RGL2: variants seen among roughly 807,000 people sequenced by gnomAD.
RGL2 encodes the protein ral guanine nucleotide dissociation stimulator like 2.
In RGL2, 40 loss-of-function variants were observed where a neutral mutation model predicts 84.6. The ratio of observed to expected loss-of-function variants is 0.47; its 90% CI spans 0.37 to 0.62. RGL2 has a LOEUF of 0.62. Ranked by LOEUF, RGL2 falls within the 20% of genes least tolerant of loss-of-function variation. The probability of loss-of-function intolerance (pLI) is 0.00; values close to 1 mark genes in which losing one functional copy is unlikely to be tolerated. For synonymous variants in RGL2, 369 were observed against 417.3 expected (o/e 0.88, Z 1.41); for missense variants, 865 against 1,019.7 (o/e 0.85, Z 2.07).
chr6:33,294,485 A>T lies in RGL2; in HGVS notation c.1353+203T>A, dbSNP rs1037707037. Among the ~76,000 whole-genome samples, 1 of 152,160 alleles carries T rather than the reference A, an allele frequency of 6.6e-6. No individual in the cohort carries two copies. The highest frequency in any genetic ancestry group is 2.4e-5 in the African/African-American group (1 of 41,432). On this transcript the variant is annotated intron_variant, in intron 11 of 17. Coordinates refer to ENST00000497454, the MANE Select transcript of RGL2 (RefSeq NM_004761.5). The surrounding 1 kb of genome is among the most constrained non-coding windows in gnomAD (Gnocchi z 5.0). ...CACTTGACAAATACAAATTCATTTA[A>T]CCCTTATAACAGATCAATGTAGATG...
chr6:33,293,273 A>G lies in RGL2; in HGVS notation c.1750T>C (p.Ser584Pro). The G allele has an allele frequency of 5.2e-6, 8 of 1,545,444 alleles. No homozygotes were observed. In the South Asian group the frequency reaches 1.0e-4, roughly 20 times the overall value. Reference sequence around the variant, plus strand: ...AGGGATGGACTGCTTTCCAAGGCAGAGTCTAGTGACGAGACAGATGGCCAC... The same window carrying G: ...AGGGATGGACTGCTTTCCAAGGCAGGGTCTAGTGACGAGACAGATGGCCAC... ...MKWPSVSSLD[S>P]ALESSPSLHS... is the part of the protein sequence containing the mutation. Residue 584 changes from serine (S) to proline (P), a missense_variant, in exon 16 of 18, where the codon TCT (serine) becomes CCT (proline). Ser to Pro is a moderately conservative substitution (Grantham distance 74). Transcript: ENST00000497454. This position sits in a 1 kb window ranked among gnomAD's most constrained non-coding sequence, Gnocchi z 7.0.
rs182884865 is a variant in RGL2 at position 33,293,075 on chromosome 6, G to A, written c.1948C>T (p.Arg650Cys). 3.3e-5 allele frequency: 54 copies of A among 1,614,028 alleles called. No homozygotes were observed. In the East Asian group the frequency reaches 6.9e-4, roughly 21 times the overall value. The change falls in exon 16 of 18, where the codon CGT becomes TGT. Residue 650 changes from arginine to cysteine, a missense_variant. Physicochemically the swap from Arg to Cys is radical, Grantham distance 180. This residue lies in a region of RGL2 where 302 missense variants were observed against 327.9 expected (regional missense o/e 0.92). Coordinates refer to ENST00000497454, the MANE Select transcript of RGL2 (RefSeq NM_004761.5). This position sits in a 1 kb window ranked among gnomAD's most constrained non-coding sequence, Gnocchi z 7.0. ...EGSGPGASDC[R>C]IIRVQMELGE... ...AACTCCATCTGGACTCGGATGATACGGCAATCAGAGGCCCCTGGCCCAGAT... is the reference window on the plus strand; with the variant it reads ...AACTCCATCTGGACTCGGATGATACAGCAATCAGAGGCCCCTGGCCCAGAT...
Position 33,293,806 on chromosome 6 carries a change from T to C in RGL2, c.1497A>G (p.Thr499=). The change falls in exon 13 of 18, where the codon ACA becomes ACG. Residue 499 remains threonine (T), a synonymous_variant. Coordinates refer to ENST00000497454, the MANE Select transcript of RGL2 (RefSeq NM_004761.5). This position sits in a 1 kb window ranked among gnomAD's most constrained non-coding sequence, Gnocchi z 7.0. ...CACCCGCCAGTCACCTCTGAGCCTC[T>C]GTCAGTGGCCGGAGCCCCTGTAGCC... The part of the protein sequence containing the change: ...QRWLQGLRPL[T]EAQSHRVSCE... 2 of 1,614,152 alleles carry C rather than the reference T, an allele frequency of 1.2e-6. No homozygotes were observed. The highest frequency in any genetic ancestry group is 8.5e-7 in the Non-Finnish European group (1 of 1,180,016).
chr6:33,292,277 G>A lies in RGL2; in HGVS notation c.2159C>T (p.Ala720Val). 6.2e-7 allele frequency: 1 copy of A among 1,614,210 alleles called. No homozygotes were observed. The highest frequency in any genetic ancestry group is 1.3e-5 in the African/African-American group (1 of 75,044). ...GAAATCGTGTGAAGCTCCATCCATG[G>A]CGTAGAATACATTAGCCGAGGCTGG... is the stretch of plus-strand genomic sequence containing the variant. ...TIPASANVFYAMDGASHDFLL... is the reference protein window; with the variant it reads ...TIPASANVFYVMDGASHDFLL... The change falls in exon 18 of 18, where the codon GCC becomes GTC. Residue 720 changes from alanine to valine, a missense_variant. Transcript: ENST00000497454.
chr6:33,296,907 CTA>C lies in RGL2; in HGVS notation c.240+123_240+124del, dbSNP rs1562667742. The C allele has an allele frequency of 2.0e-6, 3 of 1,486,288 alleles. No homozygotes were observed. The African/African-American group carries it at 4.2e-5, about 21-fold the overall frequency. 92.1% of individuals were successfully genotyped at this position (1,486,288 alleles called of 1,614,324 possible). A position where few individuals can be genotyped will look rare whatever the true frequency, so the allele number is the denominator to read the frequency against. On this transcript the variant is annotated intron_variant, in intron 3 of 17. Transcript: ENST00000497454. This position sits in a 1 kb window ranked among gnomAD's most constrained non-coding sequence, Gnocchi z 5.0. ...ATTCAGAGAGGGCAAGAGTCTTGGC[CTA>C]TGTCACACAGCAGAGTCCAGGACTC... is the stretch of plus-strand genomic sequence containing the variant.
chr6:33,295,775 CAGAGGTT>C lies in RGL2; in HGVS notation c.769-23_769-17del. The C allele has an allele frequency of 2.5e-6, 4 of 1,609,308 alleles. No homozygotes were observed. Among genetic ancestry groups the C allele is most frequent in the Non-Finnish European group, 3.4e-6 (4 of 1,177,220 alleles). ...GAAAAAGTTCCTGCAGGGTAGAGGT[CAGAGGTT>C]AAAGTTCATAGTCAAGTGAGGTCAG... On this transcript the variant is annotated splice_polypyrimidine_tract_variant and intron_variant, in intron 6 of 17. Coordinates refer to ENST00000497454, the MANE Select transcript of RGL2 (RefSeq NM_004761.5). This position sits in a 1 kb window ranked among gnomAD's most constrained non-coding sequence, Gnocchi z 7.2.
chr6:33,295,625 C>T lies in RGL2; in HGVS notation c.903G>A (p.Val301=). ...VTQFNKVAGA[V]VSSVLGATST... is the part of the protein sequence containing the mutation. The stretch of plus-strand genomic sequence containing the variant: ...AAGTAGCCCCCAGGACAGAACTAAC[C>T]ACTGCCCCTGCCACCTTGTTAAACT... The change falls in exon 7 of 18, where the codon GTG becomes GTA. Residue 301 remains valine, a synonymous_variant. Transcript: ENST00000497454. This position sits in a 1 kb window ranked among gnomAD's most constrained non-coding sequence, Gnocchi z 7.2. 6.2e-7 allele frequency: 1 copy of T among 1,614,022 alleles called. No individual in the cohort carries two copies. Among genetic ancestry groups the T allele is most frequent in the South Asian group, 1.1e-5 (1 of 91,084 alleles).
Position 33,293,084 on chromosome 6 carries a change from A to G in RGL2, c.1939T>C (p.Ser647Pro), listed in dbSNP as rs1347430337. 6.2e-7 allele frequency: 1 copy of G among 1,614,062 alleles called. No homozygotes were observed. The highest frequency in any genetic ancestry group is 1.3e-5 in the African/African-American group (1 of 74,932). The change falls in exon 16 of 18, where the codon TCT becomes CCT. Residue 647 changes from serine (S) to proline (P), a missense_variant. By Grantham distance (74) the Ser-to-Pro change is moderately conservative. This residue lies in a region of RGL2 where 302 missense variants were observed against 327.9 expected (regional missense o/e 0.92). Coordinates refer to ENST00000497454, the MANE Select transcript of RGL2 (RefSeq NM_004761.5). The surrounding 1 kb of genome is among the most constrained non-coding windows in gnomAD (Gnocchi z 7.0). The part of the protein sequence containing the change: ...YGGEGSGPGA[S>P]DCRIIRVQME... Reference sequence around the variant, plus strand: ...TGGACTCGGATGATACGGCAATCAGAGGCCCCTGGCCCAGATCCCTCTCCC... The same window carrying G: ...TGGACTCGGATGATACGGCAATCAGGGGCCCCTGGCCCAGATCCCTCTCCC...
Position 33,296,174 on chromosome 6 carries a change from T to A in RGL2, c.622A>T (p.Ile208Phe), listed in dbSNP as rs759294007. The A allele has an allele frequency of 1.9e-6, 3 of 1,613,928 alleles. No individual in the cohort carries two copies. The highest frequency in any genetic ancestry group is 1.1e-5 in the South Asian group (1 of 91,086). Residue 208 changes from isoleucine (I) to phenylalanine (F), a missense_variant, in exon 6 of 18, where the codon ATC becomes TTC. By Grantham distance (21) the Ile-to-Phe change is conservative. Around this residue, in one of 5 missense-constraint regions of RGL2, gnomAD observed 455 missense variants for 507.8 expected, o/e 0.90. Coordinates refer to ENST00000497454, the MANE Select transcript of RGL2 (RefSeq NM_004761.5). This position sits in a 1 kb window ranked among gnomAD's most constrained non-coding sequence, Gnocchi z 5.0. ...KGVGGGSADL[I>F]RNLRSRVDPQ... ...TCCACCCGGGACCGGAGATTGCGGA[T>A]GAGGTCAGCGCTGCCCCCCCCAACA...
Position 33,293,270 on chromosome 6 carries a change from C to T in RGL2, c.1753G>A (p.Ala585Thr), listed in dbSNP as rs747246784. 13 of 1,545,596 alleles carry T rather than the reference C, an allele frequency of 8.4e-6. No individual in the cohort carries two copies. In the East Asian group the frequency reaches 2.7e-4, roughly 32 times the overall value. Residue 585 changes from alanine to threonine, a missense_variant, in exon 16 of 18, where the codon GCC becomes ACC. Transcript: ENST00000497454. The surrounding 1 kb of genome is among the most constrained non-coding windows in gnomAD (Gnocchi z 7.0). ...TGCAGGGATGGACTGCTTTCCAAGG[C>T]AGAGTCTAGTGACGAGACAGATGGC... The part of the protein sequence containing the change: ...KWPSVSSLDS[A>T]LESSPSLHSP...
chr6:33,298,644 G>T lies in RGL2; in HGVS notation c.-34C>A. ...GAAGGAATCAGCGGGGTCGGGCCAT[G>T]GGGGCGCCTGGGGAGAGACGGGGTG... On this transcript the variant is annotated 5_prime_UTR_variant, in exon 2 of 18. Coordinates refer to ENST00000497454, the MANE Select transcript of RGL2 (RefSeq NM_004761.5). This position sits in a 1 kb window ranked among gnomAD's most constrained non-coding sequence, Gnocchi z 4.8. 1 of 1,409,702 alleles carries T rather than the reference G, an allele frequency of 7.1e-7. No homozygotes were observed. Among genetic ancestry groups the T allele is most frequent in the Non-Finnish European group, 9.3e-7 (1 of 1,077,390 alleles). The allele number at this position is 1,409,702 out of a possible 1,614,324, so 87.3% of individuals were successfully genotyped here. A position where few individuals can be genotyped will look rare whatever the true frequency, so the allele number is the denominator to read the frequency against.
Position 33,296,925 on chromosome 6 carries a change from T to TCC in RGL2, c.240+105_240+106dup. 1 of 1,474,942 alleles carries TCC rather than the reference T, an allele frequency of 6.8e-7. No homozygotes were observed. Among genetic ancestry groups the TCC allele is most frequent in the Non-Finnish European group, 9.5e-7 (1 of 1,054,496 alleles). The allele number at this position is 1,474,942 out of a possible 1,614,324, so 91.4% of individuals were successfully genotyped here. A position where few individuals can be genotyped will look rare whatever the true frequency, so the allele number is the denominator to read the frequency against. ...TCTTGGCCTATGTCACACAGCAGAG[T>TCC]CCAGGACTCCAGAACTCCAACCTAG... On this transcript the variant is annotated intron_variant, in intron 3 of 17. Coordinates refer to ENST00000497454, the MANE Select transcript of RGL2 (RefSeq NM_004761.5). The surrounding 1 kb of genome is among the most constrained non-coding windows in gnomAD (Gnocchi z 5.0).
Position 33,291,954 on chromosome 6 carries a change from TG to T in RGL2, c.*147del. ...CACAGGGCTGGATTTCTCAGCTGTC[TG>T]GTAAACCAGTGGCACTTCACTGCCC... On this transcript the variant is annotated 3_prime_UTR_variant, in exon 18 of 18. Coordinates refer to ENST00000497454, the MANE Select transcript of RGL2 (RefSeq NM_004761.5). The T allele has an allele frequency of 1.2e-6, 1 of 810,990 alleles. No individual in the cohort carries two copies. Among genetic ancestry groups the T allele is most frequent in the Non-Finnish European group, 2.0e-6 (1 of 507,080 alleles). The allele number at this position is 810,990 out of a possible 1,614,324, so 50.2% of individuals were successfully genotyped here.
chr6:33,296,215 T>C lies in RGL2; in HGVS notation c.581A>G (p.Tyr194Cys), dbSNP rs1386895310. The change falls in exon 6 of 18, where the codon TAT (tyrosine) becomes TGT (cysteine). Residue 194 changes from tyrosine (Y) to cysteine (C), a missense_variant. Physicochemically the swap from Tyr to Cys is radical, Grantham distance 194. Coordinates refer to ENST00000497454, the MANE Select transcript of RGL2 (RefSeq NM_004761.5). This position sits in a 1 kb window ranked among gnomAD's most constrained non-coding sequence, Gnocchi z 5.0. Reference protein sequence around the residue: ...RLESFLLQTGYAAGKGVGGGS... With the variant: ...RLESFLLQTGCAAGKGVGGGS... The stretch of plus-strand genomic sequence containing the variant: ...CCCCCCAACACCCTTCCCTGCTGCA[T>C]ACCCTGTCTGAAGTAAGAAGCTCTC... 1.9e-6 allele frequency: 3 copies of C among 1,613,810 alleles called. No individual in the cohort carries two copies. The highest frequency in any genetic ancestry group is 2.5e-6 in the Non-Finnish European group (3 of 1,179,882).
At position 33,298,458 on chromosome 6, in the gene RGL2, T is replaced by C. The variant is rs1244743049; in HGVS notation, c.153A>G (p.Glu51=). Residue 51 remains glutamate, a synonymous_variant, in exon 2 of 18, where the codon GAA becomes GAG. Transcript: ENST00000497454. The surrounding 1 kb of genome is among the most constrained non-coding windows in gnomAD (Gnocchi z 4.8). ...GGQEEEEEEE[E]EAPVSVWDEE... ...CCTCCCACCACCCGCGTCTCACCTC[T>C]TCTTCTTCCTCCTCCTCTTCCTCCT... The C allele has an allele frequency of 6.1e-6, 9 of 1,486,844 alleles. No individual in the cohort carries two copies. Among genetic ancestry groups the C allele is most frequent in the Non-Finnish European group, 1.8e-6 (2 of 1,094,990 alleles). The allele number at this position is 1,486,844 out of a possible 1,614,324, so 92.1% of individuals were successfully genotyped here.
Position 33,292,274 on chromosome 6 carries a change from A to C in RGL2, c.2162T>G (p.Met721Arg). The C allele has an allele frequency of 6.2e-7, 1 of 1,614,186 alleles. No homozygotes were observed. Among genetic ancestry groups the C allele is most frequent in the Non-Finnish European group, 8.5e-7 (1 of 1,180,028 alleles). Residue 721 changes from methionine (M) to arginine (R), a missense_variant, in exon 18 of 18, where the codon ATG (methionine) becomes AGG (arginine). Physicochemically the swap from Met to Arg is moderately conservative, Grantham distance 91. Coordinates refer to ENST00000497454, the MANE Select transcript of RGL2 (RefSeq NM_004761.5). ...IPASANVFYA[M>R]DGASHDFLLR... is the part of the protein sequence containing the mutation. ...GAGGAAATCGTGTGAAGCTCCATCC[A>C]TGGCGTAGAATACATTAGCCGAGGC... is the stretch of plus-strand genomic sequence containing the variant.
rs748649212 is a variant in RGL2, at chr6:33,292,196, G to T, written c.2240C>A (p.Pro747Gln). The change falls in exon 18 of 18, where the codon CCG becomes CAG. Residue 747 changes from proline to glutamine, a missense_variant. By Grantham distance (76) the Pro-to-Gln change is moderately conservative. Coordinates refer to ENST00000497454, the MANE Select transcript of RGL2 (RefSeq NM_004761.5). ...STATPGVTSG[P>Q]SASGTPPSEG... ...ACTCGGAGGAGTTCCTGAGGCAGAC[G>T]GGCCACTGGTGACGCCAGGTGTAGC... is the stretch of plus-strand genomic sequence containing the variant. 1.2e-6 allele frequency: 2 copies of T among 1,614,186 alleles called. No individual in the cohort carries two copies. Among genetic ancestry groups the T allele is most frequent in the Non-Finnish European group, 1.7e-6 (2 of 1,180,032 alleles).
Position 33,295,294 on chromosome 6 carries a change from C to A in RGL2, c.1124+25G>T. ...CCCGCCTTCTGAGGAACCCCCACCC[C>A]AGTCCAATGCCTCAGCCTCCGCACC... On this transcript the variant is annotated intron_variant, in intron 8 of 17. Coordinates refer to ENST00000497454, the MANE Select transcript of RGL2 (RefSeq NM_004761.5). This position sits in a 1 kb window ranked among gnomAD's most constrained non-coding sequence, Gnocchi z 7.2. The A allele has an allele frequency of 1.3e-6, 2 of 1,560,802 alleles. No individual in the cohort carries two copies. The highest frequency in any genetic ancestry group is 2.3e-5 in the South Asian group (2 of 85,524).
rs148615829 is a variant in RGL2, at chr6:33,292,498, T to G, written c.2054A>C (p.Lys685Thr). 2 of 1,614,180 alleles carry G rather than the reference T, an allele frequency of 1.2e-6. No homozygotes were observed. The highest frequency in any genetic ancestry group is 8.5e-7 in the Non-Finnish European group (1 of 1,180,028). Residue 685 changes from lysine to threonine, a missense_variant, in exon 17 of 18, where the codon AAG (lysine) becomes ACG (threonine). Physicochemically the swap from Lys to Thr is moderately conservative, Grantham distance 78. Around this residue, in one of 5 missense-constraint regions of RGL2, gnomAD observed 302 missense variants for 327.9 expected, o/e 0.92. Transcript: ENST00000497454. ...CACTGCAGAGTCACGATTGTTTTTCTTAAGGACACGACTGATGACACTTGG... is the reference window on the plus strand; with the variant it reads ...CACTGCAGAGTCACGATTGTTTTTCGTAAGGACACGACTGATGACACTTGG... ...KAPSVISRVL[K>T]KNNRDSAVAS... is the part of the protein sequence containing the mutation.
Sources: gnomAD v4.1 joint callset for allele counts (sites outside exome capture counted in the v4.1 genomes callset) on GRCh38, gnomAD v4.1.1 for gene constraint, gnomAD v4.1.1 regional missense constraint, Gnocchi (gnomAD v3.1) non-coding constraint, MANE v1.5 for transcripts, NCBI Gene and HGNC (gene_info 2026-07-23, HGNC 2026-07-21) for gene names.